Variants in PRICKLE1 observed in about 807,000 individuals in gnomAD.
PRICKLE1 encodes prickle planar cell polarity protein 1.
Under a neutral mutation model 70.2 loss-of-function variants are expected in PRICKLE1, and 14 were observed. The ratio of observed to expected loss-of-function variants is 0.20; its 90% confidence interval spans 0.13 to 0.31. PRICKLE1 has a LOEUF of 0.31. PRICKLE1 is among the 10% of genes least tolerant of loss of function. PRICKLE1 has a pLI of 1.00. For synonymous variants in PRICKLE1, 357 were observed against 379.9 expected (o/e 0.94, Z 0.70); for missense variants, 821 against 1,026.2 (o/e 0.80, Z 2.73).
At chr12:42,468,423 G>T (rs1255465468) in intron 5 of PRICKLE1, among the ~76,000 whole-genome samples, 2 of 152,070 alleles carry the variant, frequency 1.3e-5, no homozygotes, top group African/African-American at 4.8e-5. Flanking sequence ...TTGCGGTTTT[G>T]ACCATTATGG....
At chr12:42,490,869 T>C (rs1939087339) in intron 1 of PRICKLE1, among the ~76,000 whole-genome samples, 1 of 152,058 alleles carries the variant, frequency 6.6e-6, no homozygotes, top group African/African-American at 2.4e-5. Context: ...CAAACTTATT[T>C]TTTTATTTTT....
At chr12:42,568,392 T>C (rs1183462030) in intron 1 of PRICKLE1, among the ~76,000 whole-genome samples, 1 of 152,234 alleles carries the variant, frequency 6.6e-6, no homozygotes, top group African/African-American at 2.4e-5. Flanking sequence ...CCTAGGCTAG[T>C]CTCAAACTCC....
chr12:42,579,128 G>A (rs1313418127), intron 1 of PRICKLE1, among the ~76,000 whole-genome samples: 2 of 152,152 alleles, frequency 1.3e-5, no homozygotes, highest in Non-Finnish European at 2.9e-5. Context: ...TATCTTCAGG[G>A]AACAGGTAGC....
chr12:42,501,192 C>A (rs1183900332), intron 1 of PRICKLE1, among the ~76,000 whole-genome samples: 4 of 140,170 alleles, frequency 2.9e-5, no homozygotes, highest in Non-Finnish European at 6.4e-5. Context: ...GTAAATGGAG[C>A]CACCGCTCAA....
At chr12:42,576,487 G>A (rs1458021272) in intron 1 of PRICKLE1, among the ~76,000 whole-genome samples, 1 of 152,222 alleles carries the variant, frequency 6.6e-6, no homozygotes, top group Non-Finnish European at 1.5e-5. Flanking sequence ...CCACAAAGGT[G>A]TCATTAAGAA....
At chr12:42,563,778 A>G (rs1940570923) in intron 1 of PRICKLE1, among the ~76,000 whole-genome samples, 1 of 151,622 alleles carries the variant, frequency 6.6e-6, no homozygotes, top group African/African-American at 2.4e-5. Context: ...ATCCTGATCA[A>G]TTGTTTAATA....
intron 1 of PRICKLE1, among the ~76,000 whole-genome samples, chr12:42,523,647 A>C (rs1353252996): frequency 6.6e-6 from 1 of 152,244 alleles, no homozygotes; most frequent in African/African-American, 2.4e-5. Flanking sequence ...ATATGGGTGC[A>C]TTAAAGGGTA....
chr12:42,465,311 A>C, intron 6 of PRICKLE1, 53 bp from the exon 7 acceptor site: 1 of 1,576,200 alleles, frequency 6.3e-7, no homozygotes, highest in Non-Finnish European at 8.7e-7. Flanking sequence ...TGCCTGAAAC[A>C]AGGTATAAGG....
intron 1 of PRICKLE1, among the ~76,000 whole-genome samples, chr12:42,563,905 T>C (rs1454151861): frequency 1.3e-5 from 2 of 151,950 alleles, no homozygotes; most frequent in Non-Finnish European, 2.9e-5. Context: ...AACCAGAATG[T>C]AATTTCTAAA....
intron 1 of PRICKLE1, among the ~76,000 whole-genome samples, chr12:42,493,543 A>G (rs1454454134): frequency 6.6e-6 from 1 of 152,186 alleles, no homozygotes; most frequent in Non-Finnish European, 1.5e-5. Context: ...ACCTCCAAAC[A>G]AATATTGTCC....
Position 42,460,685 on chromosome 12 carries a change from A to G in PRICKLE1, c.1640-20T>C. On this transcript the variant is annotated intron_variant, in intron 7 of 7. Transcript: ENST00000345127. ...AAGCCCCTAGAAGAGAGGCCAAAAC[A>G]AGATGTGCTTCTCAATCATCCTAAT... The G allele has an allele frequency of 6.2e-7, 1 of 1,604,656 alleles. No homozygotes were observed. Among genetic ancestry groups the G allele is most frequent in the Non-Finnish European group, 8.5e-7 (1 of 1,179,836 alleles).
Position 42,456,985 on chromosome 12 carries a change from G to A in PRICKLE1, c.*2824C>T. ...AAGGTCAGGAGTTCGAGACCAGCCT[G>A]GCCAACTTGGTGAAACACTGTCTCT... is the stretch of plus-strand genomic sequence containing the variant. On this transcript the variant is annotated 3_prime_UTR_variant, in exon 8 of 8. Coordinates refer to ENST00000345127, the MANE Select transcript of PRICKLE1 (RefSeq NM_153026.3). The A allele has an allele frequency of 6.6e-6, 1 of 152,274 alleles. No homozygotes were observed. Among genetic ancestry groups the A allele is most frequent in the Middle Eastern group, 3.4e-3 (1 of 298 alleles). 9.4% of individuals were successfully genotyped at this position (152,274 alleles called of 1,614,324 possible).
rs773322867 is a variant in PRICKLE1, at chr12:42,469,539, C to A, written c.295G>T (p.Val99Leu). ...LSEEEKKELQVFSAQRKKEAL... is the reference protein window; with the variant it reads ...LSEEEKKELQLFSAQRKKEAL... ...TCTTTCTTCCGCTGAGCACTGAACA[C>A]CTGCAACTCTTTTTTCTCCTCTTCA... The change falls in exon 4 of 8, where the codon GTG becomes TTG. Residue 99 changes from valine to leucine, a missense_variant. Transcript: ENST00000345127. 2 of 1,614,192 alleles carry A rather than the reference C, an allele frequency of 1.2e-6. No individual in the cohort carries two copies. The highest frequency in any genetic ancestry group is 2.2e-5 in the East Asian group (1 of 44,884).
chr12:42,498,097 C>T (rs950731619), intron 1 of PRICKLE1, among the ~76,000 whole-genome samples: 1 of 136,852 alleles, frequency 7.3e-6, no homozygotes, highest in Non-Finnish European at 1.6e-5. Flanking sequence ...CGATCTCTAG[C>T]ATCAGCCTCC....
At chr12:42,475,334 G>GT in intron 1 of PRICKLE1, among the ~76,000 whole-genome samples, 1 of 152,304 alleles carries the variant, frequency 6.6e-6, no homozygotes, top group East Asian at 1.9e-4. Context: ...TACCATTAGT[G>GT]TTACGGCATT....
intron 1 of PRICKLE1, among the ~76,000 whole-genome samples, chr12:42,520,795 T>A (rs1417480520): frequency 6.6e-6 from 1 of 152,240 alleles, no homozygotes; most frequent in Non-Finnish European, 1.5e-5. Context: ...TAAAGAAATG[T>A]CAAAATGTGT....
intron 1 of PRICKLE1, among the ~76,000 whole-genome samples, chr12:42,544,709 A>G (rs1487225312): frequency 6.6e-6 from 1 of 152,244 alleles, no homozygotes; most frequent in Non-Finnish European, 1.5e-5. Context: ...AAAGTAATAT[A>G]TAAGTACTTG....
chr12:42,497,441 C>T (rs1037739817), intron 1 of PRICKLE1, among the ~76,000 whole-genome samples: 3 of 147,338 alleles, frequency 2.0e-5, no homozygotes, highest in East Asian at 2.1e-4. Context: ...CCCAGCTACT[C>T]GGGAGGCTGA....
rs1182165434 is a variant in PRICKLE1 at position 42,459,029 on chromosome 12, T to C, written c.*780A>G. The C allele has an allele frequency of 1.1e-5, 4 of 374,150 alleles. No homozygotes were observed. The highest frequency in any genetic ancestry group is 1.9e-5 in the Non-Finnish European group (4 of 206,548). The allele number at this position is 374,150 out of a possible 1,614,324, so 23.2% of individuals were successfully genotyped here. On this transcript the variant is annotated 3_prime_UTR_variant, in exon 8 of 8. Transcript: ENST00000345127. ...TCACTAGGCAATGTAAATTTGACCA[T>C]CTACATTTATAAACCCTGACTAAAA...
Sources: gnomAD v4.1 joint callset for allele counts (sites outside exome capture counted in the v4.1 genomes callset) on GRCh38, gnomAD v4.1.1 for gene constraint, MANE v1.5 for transcripts, NCBI Gene and HGNC (gene_info 2026-07-23, HGNC 2026-07-21) for gene names.